Variants in CRY1 observed in about 807,000 individuals in gnomAD.
CRY1 encodes the protein cryptochrome circadian regulator 1, also known as cryptochrome-1.
Under a neutral mutation model 76.0 loss-of-function variants are expected in CRY1, and 45 were observed. The ratio of observed to expected loss-of-function variants is 0.59; its 90% CI spans 0.47 to 0.76. CRY1 has a LOEUF of 0.76. CRY1 is among the 30% of genes least tolerant of loss of function. The probability of loss-of-function intolerance (pLI) is 0.00; values close to 1 mark genes in which losing one functional copy is unlikely to be tolerated. For synonymous variants in CRY1, 248 were observed against 244.0 expected, an observed-to-expected ratio of 1.02 and a Z score of -0.15; for missense variants, 587 against 716.4, an observed-to-expected ratio of 0.82 and a Z score of 2.06.
intron 1 of CRY1, among the ~76,000 whole-genome samples, chr12:107,088,743 A>C (rs987073673): frequency 1.3e-5 from 2 of 152,266 alleles, no homozygotes; most frequent in African/African-American, 4.8e-5. Context: ...GCAAATGCTA[A>C]GAGTGATGTG....
At chr12:107,069,706 G>C (rs1164019824) in intron 1 of CRY1, among the ~76,000 whole-genome samples, 2 of 142,784 alleles carry the variant, frequency 1.4e-5, no homozygotes, top group African/African-American at 2.6e-5. Context: ...TGTATATATA[G>C]TGTATATATA....
At chr12:107,090,216 G>A (rs543349634) in intron 1 of CRY1, among the ~76,000 whole-genome samples, 22 of 151,554 alleles carry the variant, frequency 1.5e-4, no homozygotes, top group African/African-American at 4.6e-4. Context: ...CAGCCTCCTC[G>A]AGTAGCTGGG....
chr12:107,035,686 A>T (rs1952725725), intron 1 of CRY1, among the ~76,000 whole-genome samples: 1 of 152,246 alleles, frequency 6.6e-6, no homozygotes, highest in African/African-American at 2.4e-5. Flanking sequence ...TGAACCATAC[A>T]GTATTTCAGT....
intron 2 of CRY1, among the ~76,000 whole-genome samples, chr12:107,007,498 G>A (rs569409561): frequency 6.6e-6 from 1 of 151,672 alleles, no homozygotes; most frequent in South Asian, 2.1e-4. Context: ...TGCATAGCAA[G>A]CCCTCAATGA....
intron 1 of CRY1, among the ~76,000 whole-genome samples, chr12:107,039,983 A>C (rs1828262217): frequency 6.6e-6 from 1 of 152,236 alleles, no homozygotes; most frequent in African/African-American, 2.4e-5. Context: ...ACACACAAAT[A>C]TAAAATACAC....
At chr12:106,999,482 C>A in intron 7 of CRY1, 69 bp downstream of exon 7, 1 of 1,415,636 alleles carries the variant, frequency 7.1e-7, no homozygotes, top group Non-Finnish European at 9.6e-7. Context: ...CAGACAACTT[C>A]TAGGATTTGT....
intron 1 of CRY1, among the ~76,000 whole-genome samples, chr12:107,053,452 G>T (rs1253792040): frequency 6.6e-6 from 1 of 152,098 alleles, no homozygotes; most frequent in Non-Finnish European, 1.5e-5. Flanking sequence ...GAGTAGCTGG[G>T]ATTACAGGCA....
In CRY1 at chr12:106,991,429, C is replaced by A. The variant is rs1339822265; in HGVS notation, c.*573G>T. 1 of 152,506 alleles carries A rather than the reference C, an allele frequency of 6.6e-6. No homozygotes were observed. The highest frequency in any genetic ancestry group is 1.5e-5 in the Non-Finnish European group (1 of 68,018). The allele number at this position is 152,506 out of a possible 1,614,324, so 9.4% of individuals were successfully genotyped here. On this transcript the variant is annotated 3_prime_UTR_variant, in exon 13 of 13. Coordinates refer to ENST00000008527, the MANE Select transcript of CRY1 (RefSeq NM_004075.5). The stretch of plus-strand genomic sequence containing the variant: ...TAATAAATGAACAAAGAAACAGAGA[C>A]AGAGAACTTAACACATGATACTTCC...
intron 2 of CRY1, among the ~76,000 whole-genome samples, chr12:107,006,615 T>C (rs1440135695): frequency 6.7e-6 from 1 of 149,164 alleles, no homozygotes. Flanking sequence ...TCCACACACT[T>C]GCCAATAATA....
intron 1 of CRY1, among the ~76,000 whole-genome samples, chr12:107,022,800 T>C (rs1952573102): frequency 6.6e-6 from 1 of 151,286 alleles, no homozygotes; most frequent in Non-Finnish European, 1.5e-5. Flanking sequence ...TGCCAAATTA[T>C]GTGGTTATTA....
chr12:107,037,837 T>C (rs2136863320), intron 1 of CRY1, among the ~76,000 whole-genome samples: 1 of 152,254 alleles, frequency 6.6e-6, no homozygotes, highest in East Asian at 1.9e-4. Flanking sequence ...GCCTCCCAAG[T>C]AGCTGGGACT....
At chr12:107,056,580 CT>C (rs147711184) in intron 1 of CRY1, among the ~76,000 whole-genome samples, 176 of 146,228 alleles carry the variant, frequency 1.2e-3, no homozygotes, top group Middle Eastern at 3.5e-3. Context: ...TAAGCACAGA[CT>C]TTTTTTTTTT....
intron 2 of CRY1, among the ~76,000 whole-genome samples, chr12:107,018,797 G>A (rs997861974): frequency 3.3e-5 from 5 of 151,912 alleles, no homozygotes; most frequent in Admixed American, 6.6e-5. Flanking sequence ...AGTAAAAAAC[G>A]CCAGAAAAAA....
intron 1 of CRY1, among the ~76,000 whole-genome samples, chr12:107,034,068 G>A (rs1313579383): frequency 1.3e-5 from 2 of 151,486 alleles, no homozygotes; most frequent in Admixed American, 6.6e-5. Flanking sequence ...ACAGGAGGTC[G>A]GCAGGACTGG....
chr12:107,067,053 T>A (rs1953121292), intron 1 of CRY1, among the ~76,000 whole-genome samples: 1 of 152,162 alleles, frequency 6.6e-6, no homozygotes, highest in African/African-American at 2.4e-5. Flanking sequence ...CAAGCAATCC[T>A]CCCACCTTGG....
At chr12:107,046,990 G>A (rs929460535) in intron 1 of CRY1, among the ~76,000 whole-genome samples, 2 of 152,080 alleles carry the variant, frequency 1.3e-5, no homozygotes, top group Non-Finnish European at 2.9e-5. Context: ...AATCAACAAA[G>A]AAACACTGGA....
At chr12:107,040,358 C>T (rs1465912736) in intron 1 of CRY1, among the ~76,000 whole-genome samples, 3 of 143,856 alleles carry the variant, frequency 2.1e-5, no homozygotes, top group African/African-American at 7.7e-5. Flanking sequence ...ACAATCTCGG[C>T]TCACTGCAAC....
chr12:107,001,795 CTCA>C lies in CRY1; in HGVS notation c.561_563del (p.Asp187del). 1 of 1,572,400 alleles carries C rather than the reference CTCA, an allele frequency of 6.4e-7. No homozygotes were observed. ...CTTCCAGTGAAGGGACTCCATATTTCTCATCATGGTCATCAGACAGAGGAGTTG... is the reference window on the plus strand; with the variant it reads ...CTTCCAGTGAAGGGACTCCATATTTCTCATGGTCATCAGACAGAGGAGTTG... On this transcript the variant is annotated inframe_deletion, in exon 4 of 13. Transcript: ENST00000008527.
intron 1 of CRY1, among the ~76,000 whole-genome samples, chr12:107,042,217 G>A (rs1262426491): frequency 6.6e-6 from 1 of 152,120 alleles, no homozygotes; most frequent in Admixed American, 6.6e-5. Context: ...TGAATGAAGG[G>A]AATAGAAAAA....
Sources: allele counts gnomAD v4.1 joint callset (sites outside exome capture counted in the v4.1 genomes callset), GRCh38; gene constraint gnomAD v4.1.1; transcripts MANE v1.5; gene names NCBI Gene and HGNC (gene_info 2026-07-23, HGNC 2026-07-21).